SAMM50: variants seen among roughly 807,000 people sequenced by gnomAD.
SAMM50 encodes the protein SAMM50 sorting and assembly machinery component, also known as sorting and assembly machinery component 50 homolog.
A neutral mutation model predicts 66.9 loss-of-function variants in SAMM50; 47 were observed. The observed-to-expected ratio is 0.70, with a 90% CI of 0.56 to 0.90. SAMM50 has a LOEUF of 0.90. SAMM50 is among the 40% of genes least tolerant of loss of function. The probability of loss-of-function intolerance (pLI) is 0.00; values close to 1 mark genes in which losing one functional copy is unlikely to be tolerated. For missense variants in SAMM50, 535 were observed against 595.3 expected (o/e 0.90, Z 1.05); for synonymous variants, 191 against 214.1 (o/e 0.89, Z 0.94).
intron 14 of SAMM50, among the ~76,000 whole-genome samples, chr22:43,991,176 C>G (rs2050322857): frequency 6.6e-6 from 1 of 151,912 alleles, no homozygotes; most frequent in South Asian, 2.1e-4. Context: ...CAGGGTTTCA[C>G]CATGTTGGTC....
intron 13 of SAMM50, 27 bp downstream of exon 13, chr22:43,989,284 A>C (rs1375144371): frequency 1.2e-5 from 19 of 1,610,872 alleles, no homozygotes; most frequent in Non-Finnish European, 1.6e-5. Flanking sequence ...TCAAGAAACC[A>C]TTGTAGTACA....
At chr22:43,958,557 C>A (rs2050131943) in intron 1 of SAMM50, among the ~76,000 whole-genome samples, 1 of 148,598 alleles carries the variant, frequency 6.7e-6, no homozygotes, top group Non-Finnish European at 1.5e-5. Context: ...CGGCTCACTG[C>A]AACCTCTGCC....
chr22:43,968,547 G>C (rs1388677278), intron 3 of SAMM50, among the ~76,000 whole-genome samples, 184 bp from the exon 4 acceptor site: 1 of 152,196 alleles, frequency 6.6e-6, no homozygotes, highest in Non-Finnish European at 1.5e-5. Flanking sequence ...CTTGTGAATG[G>C]GCATTTTTGT....
At chr22:43,956,020 C>T (rs891255753) in intron 1 of SAMM50, among the ~76,000 whole-genome samples, 1 of 152,164 alleles carries the variant, frequency 6.6e-6, no homozygotes, top group Non-Finnish European at 1.5e-5. Flanking sequence ...CTAACTCAAA[C>T]CTATCTAGGG....
intron 3 of SAMM50, among the ~76,000 whole-genome samples, chr22:43,968,081 G>A (rs189680334): frequency 2.0e-4 from 31 of 151,802 alleles, no homozygotes; most frequent in African/African-American, 6.0e-4. Flanking sequence ...AAAAAAATTC[G>A]CTTGGCGTGG....
Position 43,960,722 on chromosome 22 carries a change from C to CT in SAMM50, c.22-2563dup, listed in dbSNP as rs146210240. On this transcript the variant is annotated intron_variant, in intron 1 of 14. Coordinates refer to ENST00000350028, the MANE Select transcript of SAMM50 (RefSeq NM_015380.5). The stretch of plus-strand genomic sequence containing the variant: ...CAAGCCTGGGCCACAGAGCAAGACT[C>CT]TGTCTCAAAAGAAAAAAAGAAACAG... 2.1e-4 allele frequency among the ~76,000 whole-genome samples: 32 copies of CT among 152,230 alleles called. No homozygotes were observed. The East Asian group carries it at 6.0e-3, about 29-fold the overall frequency.
At chr22:43,968,375 C>G (rs750479841) in intron 3 of SAMM50, among the ~76,000 whole-genome samples, 1 of 152,066 alleles carries the variant, frequency 6.6e-6, no homozygotes, top group East Asian at 1.9e-4. Context: ...TGCAGACACA[C>G]GTGTCTTTCT....
intron 11 of SAMM50, among the ~76,000 whole-genome samples, chr22:43,982,048 G>A (rs1395961132): frequency 6.6e-6 from 1 of 152,166 alleles, no homozygotes; most frequent in African/African-American, 2.4e-5. Context: ...TACCAGCAGG[G>A]TATGAACTTG....
At position 43,989,106 on chromosome 22, in the gene SAMM50, C is replaced by T. The variant is rs896267114; in HGVS notation, c.1076-5C>T. The T allele has an allele frequency of 1.2e-6, 2 of 1,612,142 alleles. No homozygotes were observed. Among genetic ancestry groups the T allele is most frequent in the African/African-American group, 2.7e-5 (2 of 74,806 alleles). On this transcript the variant is annotated splice_region_variant and splice_polypyrimidine_tract_variant and intron_variant, in intron 12 of 14. Coordinates refer to ENST00000350028, the MANE Select transcript of SAMM50 (RefSeq NM_015380.5). ...GTTTTTGTTCTGCACCCCTCCTTTG[C>T]TTAGGAGACTACCTAGGTGGAGAAG...
chr22:43,980,136 A>ACCCATC (rs2050256383), intron 10 of SAMM50, among the ~76,000 whole-genome samples: 1 of 13,400 alleles, frequency 7.5e-5, no homozygotes, highest in African/African-American at 3.5e-4. Context: ...ACCCACCCAC[A>ACCCATC]CATCCATCCA....
intron 4 of SAMM50, among the ~76,000 whole-genome samples, chr22:43,972,014 T>C (rs1569028456): frequency 6.6e-6 from 1 of 152,220 alleles, no homozygotes; most frequent in Admixed American, 6.5e-5. Flanking sequence ...TATTGATATA[T>C]TCTACCAGAG....
chr22:43,974,024 CT>C (rs34728645), intron 7 of SAMM50, among the ~76,000 whole-genome samples: 92,970 of 150,026 alleles, frequency 0.62, 28,941 homozygotes, highest in East Asian at 0.83. Flanking sequence ...TGATAACCTG[CT>C]TTTTTTTTTT....
At chr22:43,965,883 G>A (rs2050170681) in intron 3 of SAMM50, among the ~76,000 whole-genome samples, 1 of 152,050 alleles carries the variant, frequency 6.6e-6, no homozygotes, top group Non-Finnish European at 1.5e-5. Flanking sequence ...GTCCTGCTCA[G>A]GCTGGAGTCC....
intron 12 of SAMM50, chr22:43,986,761 C>T (rs889147582): frequency 6.6e-6 from 1 of 152,050 alleles, no homozygotes; most frequent in African/African-American, 2.4e-5. Context: ...CCGTGTTGGC[C>T]AGGCTGGTCT....
At chr22:43,984,240 G>A (rs541559173) in intron 12 of SAMM50, among the ~76,000 whole-genome samples, 3 of 152,326 alleles carry the variant, frequency 2.0e-5, no homozygotes, top group Admixed American at 1.3e-4. Context: ...CCTACCCAGA[G>A]AGAACATGTG....
At chr22:43,959,218 C>T (rs1380010137) in intron 1 of SAMM50, among the ~76,000 whole-genome samples, 2 of 151,858 alleles carry the variant, frequency 1.3e-5, no homozygotes, top group African/African-American at 4.8e-5. Flanking sequence ...GGGGTTTCAC[C>T]ATGTTGTCCA....
intron 1 of SAMM50, among the ~76,000 whole-genome samples, chr22:43,958,418 C>G (rs1190367609): frequency 6.6e-6 from 1 of 151,206 alleles, no homozygotes; most frequent in African/African-American, 2.4e-5. Context: ...TGCTATGTGC[C>G]TAGCACTGTG....
At chr22:43,982,788 A>G (rs889947011) in intron 11 of SAMM50, among the ~76,000 whole-genome samples, 1 of 152,146 alleles carries the variant, frequency 6.6e-6, no homozygotes, top group African/African-American at 2.4e-5. Context: ...GGCACCCGGC[A>G]CCACGCCCAG....
At chr22:43,968,840 C>G (rs1165930930) in intron 4 of SAMM50, 22 bp downstream of exon 4, 3 of 1,517,862 alleles carry the variant, frequency 2.0e-6, no homozygotes, top group Non-Finnish European at 2.7e-6. Context: ...GGTGTAGTAT[C>G]TTTATAATTC....
Sources: gnomAD v4.1 joint callset for allele counts (sites outside exome capture counted in the v4.1 genomes callset) on GRCh38, gnomAD v4.1.1 for gene constraint, MANE v1.5 for transcripts, NCBI Gene and HGNC (gene_info 2026-07-23, HGNC 2026-07-21) for gene names.